SHISA9: variants seen among roughly 807,000 people sequenced by gnomAD.
The protein encoded by SHISA9 is protein shisa-9.
SHISA9 carries 13 observed loss-of-function variants against 38.0 expected under a neutral mutation model. The observed-to-expected ratio is 0.34, with a 90% CI of 0.22 to 0.54. The LOEUF is 0.54. Ranked by LOEUF, SHISA9 falls within the 20% of genes least tolerant of loss-of-function variation. The pLI, the probability that SHISA9 is intolerant of heterozygous loss-of-function variation, is 0.91. For missense variants in SHISA9, 538 were observed against 575.8 expected (o/e 0.93, Z 0.67); for synonymous variants, 275 against 242.0 (o/e 1.14, Z -1.27).
chr16:12,915,998 TGTG>T (rs1567337794), intron 1 of SHISA9, among the ~76,000 whole-genome samples: 1,005 of 83,228 alleles, frequency 0.012, 18 homozygotes, highest in African/African-American at 0.031. Context: ...TTTTTTTTTG[TGTG>T]TGTGTGTGTG....
the SHISA9 span, among the ~76,000 whole-genome samples, chr16:13,256,359 G>A: frequency 5.3e-5 from 8 of 152,272 alleles, no homozygotes; most frequent in South Asian, 2.1e-4. Context: ...TCGGCTCACC[G>A]CAACCTCTGC....
At chr16:13,227,346 G>C (rs144015260) in intron 4 of SHISA9, among the ~76,000 whole-genome samples, 1 of 152,190 alleles carries the variant, frequency 6.6e-6, no homozygotes, top group Non-Finnish European at 1.5e-5. Flanking sequence ...AAGGGAATAG[G>C]TTAAGGAAAT....
At chr16:13,088,323 A>G (rs1252788326) in intron 2 of SHISA9, among the ~76,000 whole-genome samples, 1 of 151,014 alleles carries the variant, frequency 6.6e-6, no homozygotes, top group Non-Finnish European at 1.5e-5. Context: ...GTGGTTCCAT[A>G]TGTGTAGTTT....
chr16:13,010,276 G>T (rs2072655292), intron 2 of SHISA9, among the ~76,000 whole-genome samples: 1 of 152,158 alleles, frequency 6.6e-6, no homozygotes, highest in Non-Finnish European at 1.5e-5. Flanking sequence ...AAACCTCTTT[G>T]CAGGTTGACA....
intron 2 of SHISA9, among the ~76,000 whole-genome samples, chr16:13,069,187 TG>T (rs2073477226): frequency 6.6e-6 from 1 of 151,974 alleles, no homozygotes; most frequent in African/African-American, 2.4e-5. Context: ...AATGTGTATA[TG>T]TGTATACATG....
intron 2 of SHISA9, among the ~76,000 whole-genome samples, chr16:13,170,857 A>G (rs925667568): frequency 6.6e-6 from 1 of 152,140 alleles, no homozygotes; most frequent in Non-Finnish European, 1.5e-5. Flanking sequence ...GGGTTTCACC[A>G]TGTTGGGCAG....
the SHISA9 span, among the ~76,000 whole-genome samples, chr16:13,383,512 C>T: frequency 6.6e-6 from 1 of 152,086 alleles, no homozygotes; most frequent in Non-Finnish European, 1.5e-5. Flanking sequence ...GGTAGAACAT[C>T]TCCGAAAAGA....
At chr16:13,421,097 C>T in the SHISA9 span, among the ~76,000 whole-genome samples, 1 of 152,170 alleles carries the variant, frequency 6.6e-6, no homozygotes, top group African/African-American at 2.4e-5. Context: ...TGGCCCTTTC[C>T]CTTCAATAAA....
the SHISA9 span, among the ~76,000 whole-genome samples, chr16:13,318,795 G>A: frequency 2.6e-5 from 4 of 152,174 alleles, no homozygotes; most frequent in Admixed American, 1.3e-4. Context: ...TTTGCAAAAT[G>A]ATCAAATAAA....
the SHISA9 span, among the ~76,000 whole-genome samples, chr16:13,468,737 G>T: frequency 6.6e-6 from 1 of 152,126 alleles, no homozygotes; most frequent in Non-Finnish European, 1.5e-5. Context: ...AGCACTTTGG[G>T]AGGCTGAGAT....
intron 2 of SHISA9, among the ~76,000 whole-genome samples, chr16:13,032,802 C>A (rs1567189010): frequency 6.6e-6 from 1 of 152,194 alleles, no homozygotes; most frequent in Non-Finnish European, 1.5e-5. Context: ...CGATAGAGAT[C>A]TCTCACAGAC....
the SHISA9 span, among the ~76,000 whole-genome samples, chr16:13,247,349 T>C: frequency 6.6e-6 from 1 of 152,218 alleles, no homozygotes; most frequent in Admixed American, 6.5e-5. Context: ...TTCTACTCTA[T>C]GCTAGGACCT....
intron 2 of SHISA9, among the ~76,000 whole-genome samples, chr16:12,960,047 T>G (rs2071888582): frequency 6.6e-6 from 1 of 152,248 alleles, no homozygotes; most frequent in Non-Finnish European, 1.5e-5. Context: ...AAGAAATGCC[T>G]TATAAATAGG....
At chr16:13,210,933 G>A (rs923842392) in intron 3 of SHISA9, among the ~76,000 whole-genome samples, 1 of 152,186 alleles carries the variant, frequency 6.6e-6, no homozygotes, top group Non-Finnish European at 1.5e-5. Context: ...GAAAAGCTGG[G>A]GAAGCCTATC....
chr16:13,505,195 T>C, the SHISA9 span, among the ~76,000 whole-genome samples: 2 of 152,242 alleles, frequency 1.3e-5, no homozygotes, highest in African/African-American at 4.8e-5. Context: ...TCAGAAAAGA[T>C]AGATTGCACC....
At chr16:13,065,866 G>A (rs1405300523) in intron 2 of SHISA9, among the ~76,000 whole-genome samples, 2 of 152,220 alleles carry the variant, frequency 1.3e-5, no homozygotes, top group Non-Finnish European at 1.5e-5. Flanking sequence ...GACTTCCACA[G>A]CTCAATTTGC....
At chr16:13,104,475 A>T (rs893617648) in intron 2 of SHISA9, among the ~76,000 whole-genome samples, 1 of 152,222 alleles carries the variant, frequency 6.6e-6, no homozygotes. Flanking sequence ...TAAATGGATA[A>T]ACAAAATGTG....
chr16:12,954,382 G>A (rs374550774), intron 2 of SHISA9, among the ~76,000 whole-genome samples: 11 of 152,296 alleles, frequency 7.2e-5, no homozygotes, highest in African/African-American at 2.6e-4. Context: ...GGGAACCACT[G>A]AATGACTTTA....
intron 2 of SHISA9, among the ~76,000 whole-genome samples, chr16:13,085,595 T>C (rs1343177559): frequency 5.9e-5 from 9 of 152,148 alleles, no homozygotes; most frequent in Admixed American, 5.9e-4. Context: ...TCAAGGCTGA[T>C]AAAAGAAAAT....
Sources: gnomAD v4.1 joint callset for allele counts (sites outside exome capture counted in the v4.1 genomes callset) on GRCh38, gnomAD v4.1.1 for gene constraint, MANE v1.5 for transcripts, NCBI Gene and HGNC (gene_info 2026-07-23, HGNC 2026-07-21) for gene names.